C12orf75: variants seen among roughly 807,000 people sequenced by gnomAD.
C12orf75 encodes the protein overexpressed in colon carcinoma 1 protein.
In C12orf75, 4 loss-of-function variants were observed where a neutral mutation model predicts 11.4. The ratio of observed to expected loss-of-function variants is 0.35; its 90% CI spans 0.17 to 0.80. C12orf75 has a LOEUF of 0.80. Ranked by LOEUF, C12orf75 falls within the 30% of genes least tolerant of loss-of-function variation. The pLI, the probability that C12orf75 is intolerant of heterozygous loss-of-function variation, is 0.52. For synonymous variants in C12orf75, 30 were observed against 30.0 expected (o/e 1.00, Z 0.00); for missense variants, 89 against 80.4 (o/e 1.11, Z -0.41).
In C12orf75 at chr12:105,333,115, G is replaced by T. The variant is rs187786649; in HGVS notation, c.46+2178G>T. Reference sequence around the variant, plus strand: ...AAACATGCAGGAGACAACATGATGAGCAGGGAGTTATTGCATCACCTCTTT... The same window carrying T: ...AAACATGCAGGAGACAACATGATGATCAGGGAGTTATTGCATCACCTCTTT... On this transcript the variant is annotated intron_variant, in intron 1 of 5. Transcript: ENST00000443585. 4.0e-3 allele frequency among the ~76,000 whole-genome samples: 610 copies of T among 152,088 alleles called. 3 individuals are homozygous for T. The highest frequency in any genetic ancestry group is 6.5e-3 in the Admixed American group (99 of 15,278).
chr12:105,355,936 G>C (rs989938759), intron 2 of C12orf75, among the ~76,000 whole-genome samples: 2 of 152,222 alleles, frequency 1.3e-5, no homozygotes, highest in African/African-American at 4.8e-5. Flanking sequence ...ATAAAGAGAA[G>C]TTGAAAGCAT....
At chr12:105,368,593 G>A (rs530724587) in intron 5 of C12orf75, among the ~76,000 whole-genome samples, 8 of 152,222 alleles carry the variant, frequency 5.3e-5, no homozygotes, top group South Asian at 2.1e-4. Flanking sequence ...GAATCTAACC[G>A]TTGGCAGACC....
chr12:105,345,430 C>T (rs1291584557), intron 1 of C12orf75, among the ~76,000 whole-genome samples: 2 of 151,714 alleles, frequency 1.3e-5, no homozygotes, highest in Non-Finnish European at 2.9e-5. Context: ...GCGGAGGTTG[C>T]AGTGAGCCAA....
At chr12:105,353,759 T>G (rs1361920486) in intron 2 of C12orf75, among the ~76,000 whole-genome samples, 4 of 152,196 alleles carry the variant, frequency 2.6e-5, no homozygotes, top group African/African-American at 9.6e-5. Flanking sequence ...AAATATAATG[T>G]TTGCTGTTGA....
chr12:105,345,659 C>CTTT lies in C12orf75; in HGVS notation c.47-2925_47-2923dup, dbSNP rs771376717. 4.2e-3 allele frequency among the ~76,000 whole-genome samples: 308 copies of CTTT among 73,448 alleles called. 42 individuals carry two copies. Among genetic ancestry groups the CTTT allele is most frequent in the African/African-American group, 0.016 (284 of 17,736 alleles). The allele number at this position is 73,448 out of a possible 152,430, so 48.2% of individuals were successfully genotyped here. A position where few individuals can be genotyped will look rare whatever the true frequency, so the allele number is the denominator to read the frequency against. ...TCCTGATCTTGAATTAGTGTCTGGC[C>CTTT]TTTTTTTTTTTTTTTTTTTTGAGAC... is the stretch of plus-strand genomic sequence containing the variant. On this transcript the variant is annotated intron_variant, in intron 1 of 5. Transcript: ENST00000443585.
At chr12:105,365,442 GCCCACAGCCTGTCTGTC>G (rs1566142962) in intron 2 of C12orf75, among the ~76,000 whole-genome samples, 6 of 152,146 alleles carry the variant, frequency 3.9e-5, no homozygotes, top group Non-Finnish European at 7.4e-5. Flanking sequence ...CTGGCAGCTC[GCCCACAGCCTGTCTGTC>G]ACACAGGGAG....
chr12:105,365,048 G>T (rs1310170251), intron 2 of C12orf75, among the ~76,000 whole-genome samples: 2 of 151,978 alleles, frequency 1.3e-5, no homozygotes, highest in African/African-American at 4.8e-5. Flanking sequence ...TGTTGGCCAA[G>T]CTGGTCTCGA....
intron 2 of C12orf75, among the ~76,000 whole-genome samples, chr12:105,362,876 A>G (rs549555485): frequency 2.6e-4 from 40 of 152,164 alleles, no homozygotes; most frequent in Non-Finnish European, 4.3e-4. Context: ...TGGTCTTGCA[A>G]GATTGTATAA....
chr12:105,358,716 G>T (rs1323852470), intron 2 of C12orf75, among the ~76,000 whole-genome samples: 1 of 152,170 alleles, frequency 6.6e-6, no homozygotes, highest in Non-Finnish European at 1.5e-5. Context: ...TTACCGATAG[G>T]TTTTCAGTCA....
intron 2 of C12orf75, among the ~76,000 whole-genome samples, chr12:105,361,856 G>C (rs907509670): frequency 6.6e-6 from 1 of 152,148 alleles, no homozygotes; most frequent in Non-Finnish European, 1.5e-5. Context: ...ACCAACCACC[G>C]CTTTCTGATT....
chr12:105,361,151 C>A (rs949538989), intron 2 of C12orf75, among the ~76,000 whole-genome samples: 11 of 152,160 alleles, frequency 7.2e-5, no homozygotes, highest in African/African-American at 2.7e-4. Flanking sequence ...CCACCGCCAC[C>A]TCCTGTAGCT....
At chr12:105,333,542 A>G (rs1373123282) in intron 1 of C12orf75, among the ~76,000 whole-genome samples, 1 of 152,314 alleles carries the variant, frequency 6.6e-6, no homozygotes, top group East Asian at 1.9e-4. Flanking sequence ...AAAATGTACA[A>G]AGAGATTGTA....
At chr12:105,366,921 A>G (rs534142668) in intron 4 of C12orf75, among the ~76,000 whole-genome samples, 4 of 152,338 alleles carry the variant, frequency 2.6e-5, no homozygotes, top group Admixed American at 2.6e-4. Flanking sequence ...GTTATGCTCC[A>G]TATTTTTAAT....
chr12:105,340,429 CCA>C (rs1892555719), intron 1 of C12orf75, among the ~76,000 whole-genome samples: 1 of 33,188 alleles, frequency 3.0e-5, no homozygotes. Context: ...CGTGCCCCCG[CCA>C]AAAAAAAAAA....
In C12orf75 at chr12:105,339,392, A is replaced by ATT. The variant is rs10638339; in HGVS notation, c.46+8470_46+8471dup. On this transcript the variant is annotated intron_variant, in intron 1 of 5. Coordinates refer to ENST00000443585, the MANE Select transcript of C12orf75 (RefSeq NM_001145199.2). ...GAAGAGTGCTTTTTAAATCTTCAGT[A>ATT]TTTTTTTTTTTTTTTTACAAATTCT... is the stretch of plus-strand genomic sequence containing the variant. 3.7e-3 allele frequency among the ~76,000 whole-genome samples: 503 copies of ATT among 136,490 alleles called. 10 individuals are homozygous for ATT. Among genetic ancestry groups the ATT allele is most frequent in the African/African-American group, 8.7e-3 (322 of 36,826 alleles). 89.5% of individuals were successfully genotyped at this position (136,490 alleles called of 152,430 possible).
chr12:105,362,071 T>C (rs1370698254), intron 2 of C12orf75, among the ~76,000 whole-genome samples: 1 of 152,136 alleles, frequency 6.6e-6, no homozygotes, highest in Admixed American at 6.5e-5. Flanking sequence ...TTCTGACTTT[T>C]CTTGAGTGGG....
At chr12:105,358,876 A>T (rs1361130644) in intron 2 of C12orf75, among the ~76,000 whole-genome samples, 1 of 152,176 alleles carries the variant, frequency 6.6e-6, no homozygotes, top group Non-Finnish European at 1.5e-5. Flanking sequence ...TCCAGAAGTC[A>T]GTCTTCCTTC....
intron 1 of C12orf75, among the ~76,000 whole-genome samples, chr12:105,333,289 A>G (rs565935103): frequency 2.3e-4 from 35 of 152,368 alleles, no homozygotes; most frequent in African/African-American, 8.4e-4. Context: ...GAAATACATC[A>G]GGATGAGAGA....
chr12:105,365,404 C>T (rs116444808), intron 2 of C12orf75, among the ~76,000 whole-genome samples: 1,774 of 152,240 alleles, frequency 0.012, 42 homozygotes, highest in African/African-American at 0.04. Context: ...ATCTGGTCAA[C>T]CAGCTTATTT....
Sources: allele counts gnomAD v4.1 joint callset (sites outside exome capture counted in the v4.1 genomes callset), GRCh38; gene constraint gnomAD v4.1.1; transcripts MANE v1.5; gene names NCBI Gene and HGNC (gene_info 2026-07-23, HGNC 2026-07-21).